Variants in LMTK2 observed in about 807,000 individuals in gnomAD.
LMTK2 encodes the protein lemur tail kinase 2, also known as serine/threonine-protein kinase LMTK2.
A neutral mutation model predicts 127.5 loss-of-function variants in LMTK2; 37 were observed. The ratio of observed to expected loss-of-function variants is 0.29; its 90% CI spans 0.22 to 0.38. The LOEUF is 0.38. LMTK2 is among the 10% of genes least tolerant of loss of function. The pLI is 1.00. For missense variants in LMTK2, 1,694 were observed against 1,920.3 expected (o/e 0.88, Z 2.20); for synonymous variants, 819 against 810.1 (o/e 1.01, Z -0.19).
chr7:98,192,308 G>A lies in LMTK2; in HGVS notation c.1843G>A (p.Asp615Asn). Reference sequence around the variant, plus strand: ...CTTCCAAAGCAGTACAGACCCCAAAGACTCTAGCTTACCAGGGGACTTACA... The same window carrying A: ...CTTCCAAAGCAGTACAGACCCCAAAAACTCTAGCTTACCAGGGGACTTACA... ...DFFQSSTDPKDSSLPGDLHVT... is the reference protein window; with the variant it reads ...DFFQSSTDPKNSSLPGDLHVT... Residue 615 changes from aspartate to asparagine, a missense_variant, in exon 11 of 14, where the codon GAC becomes AAC. Around this residue, in one of 8 missense-constraint regions of LMTK2, gnomAD observed 527 missense variants for 539.8 expected, o/e 0.98. Transcript: ENST00000297293. The A allele has an allele frequency of 6.4e-7, 1 of 1,550,752 alleles. No homozygotes were observed. Among genetic ancestry groups the A allele is most frequent in the Middle Eastern group, 1.7e-4 (1 of 5,730 alleles).
chr7:98,157,962 G>A (rs1359662681), intron 5 of LMTK2, among the ~76,000 whole-genome samples: 1 of 152,176 alleles, frequency 6.6e-6, no homozygotes, highest in Non-Finnish European at 1.5e-5. Flanking sequence ...GCAGTTCCCG[G>A]GTTTGGGTGT....
chr7:98,123,174 G>A (rs1013850642), intron 1 of LMTK2, among the ~76,000 whole-genome samples: 5 of 152,206 alleles, frequency 3.3e-5, no homozygotes, highest in African/African-American at 1.2e-4. Flanking sequence ...TAATGTGCTT[G>A]TAGCACTGTT....
At chr7:98,204,207 G>T (rs553890501) in intron 13 of LMTK2, 21 bp downstream of exon 13, 6 of 1,568,994 alleles carry the variant, frequency 3.8e-6, no homozygotes, top group South Asian at 1.1e-5. Context: ...CTGCGTGCTG[G>T]GGATTGGGAG....
At chr7:98,160,032 C>T (rs1020630303) in intron 6 of LMTK2, among the ~76,000 whole-genome samples, 1 of 152,120 alleles carries the variant, frequency 6.6e-6, no homozygotes, top group Admixed American at 6.5e-5. Context: ...GTAGTAATTT[C>T]TATGTGAAAT....
Position 98,194,240 on chromosome 7 carries a change from C to G in LMTK2, c.3775C>G (p.Pro1259Ala). 6.2e-7 allele frequency: 1 copy of G among 1,614,104 alleles called. No homozygotes were observed. The highest frequency in any genetic ancestry group is 1.1e-5 in the South Asian group (1 of 91,080). Residue 1259 changes from proline to alanine, a missense_variant, in exon 11 of 14, where the codon CCG becomes GCG. By Grantham distance (27) the Pro-to-Ala change is conservative. Transcript: ENST00000297293. The surrounding 1 kb of genome is among the most constrained non-coding windows in gnomAD (Gnocchi z 5.4). ...SHSEGPKLKEPDIEGKYLGKL... is the reference protein window; with the variant it reads ...SHSEGPKLKEADIEGKYLGKL... ...CTCCGAGGGCCCGAAGTTGAAGGAG[C>G]CGGACATCGAAGGGAAGTACCTGGG...
At chr7:98,154,998 A>T in intron 5 of LMTK2, 122 bp downstream of exon 5, 1 of 634,870 alleles carries the variant, frequency 1.6e-6, no homozygotes, top group South Asian at 1.9e-5. Flanking sequence ...CCAAGGTCTC[A>T]TAAGACCTAA....
Position 98,118,512 on chromosome 7 carries a change from AGCTTT to A in LMTK2, c.103+11243_103+11247del, listed in dbSNP as rs552158685. On this transcript the variant is annotated intron_variant, in intron 1 of 13. Coordinates refer to ENST00000297293, the MANE Select transcript of LMTK2 (RefSeq NM_014916.4). Reference sequence around the variant, plus strand: ...TAGACTTGCTTTGATCTGTTTACTGAGCTTTGCTTTGCTTTTTTTTTCTTTTTATT... The same window carrying A: ...TAGACTTGCTTTGATCTGTTTACTGAGCTTTGCTTTTTTTTTCTTTTTATT... Among the ~76,000 whole-genome samples, 44 of 152,226 alleles carry A rather than the reference AGCTTT, an allele frequency of 2.9e-4. No individual in the cohort carries two copies. In the South Asian group the frequency reaches 6.0e-3, roughly 21 times the overall value.
chr7:98,207,963 C>A lies in LMTK2; in HGVS notation c.*2471C>A, dbSNP rs1189883931. On this transcript the variant is annotated 3_prime_UTR_variant, in exon 14 of 14. Coordinates refer to ENST00000297293, the MANE Select transcript of LMTK2 (RefSeq NM_014916.4). ...ATATATATATATATATATATACTAG[C>A]TGGGGCACATAGTGGTGTGCACCTG... The A allele has an allele frequency of 1.3e-5, 2 of 151,108 alleles. No homozygotes were observed. The highest frequency in any genetic ancestry group is 2.9e-5 in the Non-Finnish European group (2 of 67,910). 9.4% of individuals were successfully genotyped at this position (151,108 alleles called of 1,614,324 possible).
Position 98,193,099 on chromosome 7 carries a change from C to G in LMTK2, c.2634C>G (p.Ser878Arg), listed in dbSNP as rs1226968631. The part of the protein sequence containing the change: ...EILSTDARTH[S>R]LDNRSQDSPG... ...TCTCAACTGATGCCAGAACCCACAGCCTGGATAACAGGTCCCAGGACTCTC... is the reference window on the plus strand; with the variant it reads ...TCTCAACTGATGCCAGAACCCACAGGCTGGATAACAGGTCCCAGGACTCTC... Residue 878 changes from serine to arginine, a missense_variant, in exon 11 of 14, where the codon AGC (serine) becomes AGG (arginine). By Grantham distance (110) the Ser-to-Arg change is moderately radical (BLOSUM62 -1). Coordinates refer to ENST00000297293, the MANE Select transcript of LMTK2 (RefSeq NM_014916.4). This position sits in a 1 kb window ranked among gnomAD's most constrained non-coding sequence, Gnocchi z 4.1. 8 of 1,613,662 alleles carry G rather than the reference C, an allele frequency of 5.0e-6. No homozygotes were observed. Among genetic ancestry groups the G allele is most frequent in the Non-Finnish European group, 6.8e-6 (8 of 1,180,010 alleles).
chr7:98,110,440 T>G (rs1003540844), intron 1 of LMTK2, among the ~76,000 whole-genome samples: 1 of 152,128 alleles, frequency 6.6e-6, no homozygotes, highest in African/African-American at 2.4e-5. Context: ...GTAAGGGCCC[T>G]TGTTGTTATG....
At chr7:98,154,350 G>T (rs943380468) in intron 4 of LMTK2, among the ~76,000 whole-genome samples, 4 of 152,176 alleles carry the variant, frequency 2.6e-5, no homozygotes, top group African/African-American at 9.7e-5. Context: ...ATGTATAGCA[G>T]ACTAAATAAC....
chr7:98,123,329 TACAG>T lies in LMTK2; in HGVS notation c.104-13982_104-13979del, dbSNP rs201217094. Among the ~76,000 whole-genome samples, 1,192 of 152,376 alleles carry T rather than the reference TACAG, an allele frequency of 7.8e-3. 17 individuals carry two copies. The highest frequency in any genetic ancestry group is 0.027 in the African/African-American group (1,113 of 41,592). ...CATTCATTATTTACATTTTTATGGCTACAGACATTGTTTACAACTGACCCTATAG... is the reference window on the plus strand; with the variant it reads ...CATTCATTATTTACATTTTTATGGCTACATTGTTTACAACTGACCCTATAG... On this transcript the variant is annotated intron_variant, in intron 1 of 13. Coordinates refer to ENST00000297293, the MANE Select transcript of LMTK2 (RefSeq NM_014916.4).
intron 3 of LMTK2, among the ~76,000 whole-genome samples, chr7:98,145,190 T>C (rs571386499): frequency 6.6e-6 from 1 of 151,770 alleles, no homozygotes; most frequent in South Asian, 2.1e-4. Context: ...TAGATTGTTA[T>C]AAATTTAGGA....
At chr7:98,155,352 CG>C (rs1773795410) in intron 5 of LMTK2, among the ~76,000 whole-genome samples, 1 of 152,008 alleles carries the variant, frequency 6.6e-6, no homozygotes, top group Non-Finnish European at 1.5e-5. Flanking sequence ...TCAGAAGGAA[CG>C]GAGATAGAGG....
chr7:98,132,341 C>T (rs2116350094), intron 1 of LMTK2, among the ~76,000 whole-genome samples: 1 of 152,226 alleles, frequency 6.6e-6, no homozygotes, highest in African/African-American at 2.4e-5. Flanking sequence ...ACCTCTGCCT[C>T]CTGGGTTCAA....
At chr7:98,160,309 A>AT (rs527242990) in intron 6 of LMTK2, among the ~76,000 whole-genome samples, 116 of 152,314 alleles carry the variant, frequency 7.6e-4, no homozygotes, top group African/African-American at 2.5e-3. Flanking sequence ...AAGCATCGTG[A>AT]TTTTTTGTTT....
chr7:98,204,970 G>A (rs1797767277), intron 13 of LMTK2, among the ~76,000 whole-genome samples: 1 of 152,192 alleles, frequency 6.6e-6, no homozygotes, highest in Non-Finnish European at 1.5e-5. Flanking sequence ...TCCTGGTGTG[G>A]CTCCCGAGGG....
rs1399724513 is a variant in LMTK2, at chr7:98,106,934, G to C, written c.-244G>C. The C allele has an allele frequency of 1.7e-5, 8 of 461,980 alleles. No individual in the cohort carries two copies. The highest frequency in any genetic ancestry group is 3.1e-5 in the Non-Finnish European group (8 of 260,910). 28.6% of individuals were successfully genotyped at this position (461,980 alleles called of 1,614,324 possible). A position where few individuals can be genotyped will look rare whatever the true frequency, so the allele number is the denominator to read the frequency against. On this transcript the variant is annotated 5_prime_UTR_variant, in exon 1 of 14. Coordinates refer to ENST00000297293, the MANE Select transcript of LMTK2 (RefSeq NM_014916.4). Reference sequence around the variant, plus strand: ...CCCGCCGCTCCGCAGGGCTGCTGGCGTTGCTGCTGTTGAGAGGCGGCGGCG... The same window carrying C: ...CCCGCCGCTCCGCAGGGCTGCTGGCCTTGCTGCTGTTGAGAGGCGGCGGCG...
rs536001146 is a variant in LMTK2 at position 98,121,718 on chromosome 7, G to A, written c.103+14438G>A. On this transcript the variant is annotated intron_variant, in intron 1 of 13. Coordinates refer to ENST00000297293, the MANE Select transcript of LMTK2 (RefSeq NM_014916.4). ...TCACATTCATATTGTTTTTAAATTT[G>A]TGCCGGGCATGGTGGCTCAGGGCTG... Among the ~76,000 whole-genome samples the A allele has an allele frequency of 7.9e-5, 12 of 151,172 alleles. No individual in the cohort carries two copies. The South Asian group carries it at 1.3e-3, about 16-fold the overall frequency.
Sources: allele counts gnomAD v4.1 joint callset (sites outside exome capture counted in the v4.1 genomes callset), GRCh38; gene constraint gnomAD v4.1.1; regional missense constraint gnomAD v4.1.1; non-coding constraint Gnocchi (gnomAD v3.1); transcripts MANE v1.5; gene names NCBI Gene and HGNC (gene_info 2026-07-23, HGNC 2026-07-21).